DLL3: variants seen among roughly 807,000 people sequenced by gnomAD.
The protein encoded by DLL3 is delta-like protein 3.
DLL3 carries 49 observed loss-of-function variants against 55.0 expected under a neutral mutation model. That is an observed-to-expected ratio of 0.89 (90% CI 0.71 to 1.13). The LOEUF (loss-of-function observed/expected upper bound fraction) is 1.13, where lower values mean the gene tolerates loss of function less well. DLL3 is among the 50% of genes most tolerant of loss of function. DLL3 has a pLI of 0.00. For missense variants in DLL3, 962 were observed against 875.5 expected (o/e 1.10, Z -1.25); for synonymous variants, 421 against 385.2 (o/e 1.09, Z -1.09).
At chr19:39,508,131 T>C (rs772533182) in intron 8 of DLL3, 121 bp from the exon 9 acceptor site, 21 of 1,613,534 alleles carry the variant, frequency 1.3e-5, no homozygotes, top group Non-Finnish European at 1.8e-5. Flanking sequence ...GAAAAACCTA[T>C]GGGCTTGAGG....
Position 39,507,530 on chromosome 19 carries a change from C to T in DLL3, c.1585C>T (p.Leu529=), listed in dbSNP as rs1055331. Residue 529 remains leucine, a synonymous_variant, in exon 7 of 9, where the codon CTG becomes TTG. Coordinates refer to ENST00000356433, the MANE Select transcript of DLL3 (RefSeq NM_203486.3). ...CTCCCAGGATGCTGGGTCTCGCTTG[C>T]TGGCTGGGACCCCGGAGCCGTCAGT... ...GHSQDAGSRL[L]AGTPEPSVHA... The T allele has an allele frequency of 5.0e-6, 8 of 1,605,182 alleles. No homozygotes were observed. The Admixed American group carries it at 1.2e-4, about 24-fold the overall frequency.
rs1447189148 is a variant in DLL3, at chr19:39,502,939, C to G, written c.534C>G (p.Cys178Trp). 24 of 1,440,640 alleles carry G rather than the reference C, an allele frequency of 1.7e-5. No homozygotes were observed. The highest frequency in any genetic ancestry group is 5.5e-5 in the South Asian group (4 of 72,760). 89.2% of individuals were successfully genotyped at this position (1,440,640 alleles called of 1,614,324 possible). Residue 178 changes from cysteine (C) to tryptophan (W), a missense_variant, in exon 4 of 9, where the codon TGC becomes TGG. Coordinates refer to ENST00000356433, the MANE Select transcript of DLL3 (RefSeq NM_203486.3). Reference protein sequence around the residue: ...WELRFSYRARCEPPAVGTACT... With the variant: ...WELRFSYRARWEPPAVGTACT... ...TGCGCTTCTCGTACCGCGCGCGCTG[C>G]GAGCCGCCTGCCGTCGGGACCGCGT...
At position 39,499,464 on chromosome 19, in the gene DLL3, C is replaced by T. The variant is rs186303509; in HGVS notation, c.342C>T (p.Asp114=). 4.9e-5 allele frequency: 78 copies of T among 1,590,030 alleles called. No homozygotes were observed. The Admixed American group carries it at 9.2e-4, about 19-fold the overall frequency. ...GCCTCTTGCAGGTGCCCTTCCGGGACGCCTGGCCTGTAAGTGCTGCCCCCG... is the reference window on the plus strand; with the variant it reads ...GCCTCTTGCAGGTGCCCTTCCGGGATGCCTGGCCTGTAAGTGCTGCCCCCG... ...PDGLLQVPFR[D]AWPGTFSFII... is the part of the protein sequence containing the mutation. The change falls in exon 2 of 9, where the codon GAC becomes GAT. Residue 114 remains aspartate, a synonymous_variant. Coordinates refer to ENST00000356433, the MANE Select transcript of DLL3 (RefSeq NM_203486.3).
intron 8 of DLL3, 134 bp from the exon 9 acceptor site, chr19:39,508,118 T>G (rs2079655968): frequency 1.2e-6 from 2 of 1,612,566 alleles, no homozygotes; most frequent in Non-Finnish European, 1.7e-6. Flanking sequence ...CCATCTTCTC[T>G]TTGAAAAACC....
intron 5 of DLL3, among the ~76,000 whole-genome samples, chr19:39,504,883 C>G (rs1191893337): frequency 1.3e-5 from 2 of 151,720 alleles, no homozygotes; most frequent in South Asian, 2.1e-4. Flanking sequence ...TCCAGAGAAG[C>G]CTTCCTGGAG....
At chr19:39,505,542 C>G (rs2079635626) in intron 6 of DLL3, 91 bp downstream of exon 6, 1 of 1,462,980 alleles carries the variant, frequency 6.8e-7, no homozygotes, top group African/African-American at 1.4e-5. Flanking sequence ...TTTGACTCTT[C>G]TAACCCTAGG....
At chr19:39,499,103 C>T in intron 1 of DLL3, 60 bp downstream of exon 1, 1 of 1,613,248 alleles carries the variant, frequency 6.2e-7, no homozygotes. Context: ...GGGGTGAGTG[C>T]GACCTGAAGG....
At position 39,505,263 on chromosome 19, in the gene DLL3, G is replaced by A. The variant is rs775820811; in HGVS notation, c.905G>A (p.Arg302His). 1.1e-5 allele frequency: 18 copies of A among 1,614,068 alleles called. No individual in the cohort carries two copies. The highest frequency in any genetic ancestry group is 2.2e-5 in the South Asian group (2 of 91,088). Reference sequence around the variant, plus strand: ...AGGTCCTTTGAATGCACCTGCCCGCGTGGGTTCTACGGGCTGCGGTGTGAG... The same window carrying A: ...AGGTCCTTTGAATGCACCTGCCCGCATGGGTTCTACGGGCTGCGGTGTGAG... ...TPRSFECTCP[R>H]GFYGLRCEVS... Residue 302 changes from arginine to histidine, a missense_variant, in exon 6 of 9, where the codon CGT (arginine) becomes CAT (histidine). Transcript: ENST00000356433.
chr19:39,504,418 G>GATA, intron 5 of DLL3, 130 bp downstream of exon 5: 1 of 1,041,474 alleles, frequency 9.6e-7, no homozygotes, highest in Non-Finnish European at 1.4e-6. Context: ...AGGTCTTCCT[G>GATA]GAGGCATCCA....
Position 39,504,278 on chromosome 19 carries a change from G to C in DLL3, c.860G>C (p.Gly287Ala). ...PCDGNPCANG[G>A]SCSETPRSFE... ...GACGGGAACCCGTGTGCCAATGGAG[G>C]CAGCTGTAGTGTCAGTGTCACCCTT... is the stretch of plus-strand genomic sequence containing the variant. The change falls in exon 5 of 9, where the codon GGC (glycine) becomes GCC (alanine). Residue 287 changes from glycine to alanine, a missense_variant. Transcript: ENST00000356433. 2 of 1,612,564 alleles carry C rather than the reference G, an allele frequency of 1.2e-6. No homozygotes were observed. The highest frequency in any genetic ancestry group is 1.7e-6 in the Non-Finnish European group (2 of 1,180,028).
At chr19:39,507,729 C>T in intron 7 of DLL3, 101 bp from the exon 8 acceptor site, 10 of 1,601,394 alleles carry the variant, frequency 6.2e-6, no homozygotes, top group South Asian at 2.2e-5. Context: ...GTCTCTCTTA[C>T]CCCGGTAGCT....
Position 39,507,608 on chromosome 19 carries a change from GA to G in DLL3, c.1664del (p.Asp555ValfsTer7), listed in dbSNP as rs770355531. The G allele has an allele frequency of 6.2e-7, 1 of 1,607,310 alleles. No individual in the cohort carries two copies. Among genetic ancestry groups the G allele is most frequent in the Admixed American group, 1.7e-5 (1 of 59,128 alleles). On this transcript the variant is annotated frameshift_variant, in exon 7 of 9. Transcript: ENST00000356433. LOFTEE classifies it high-confidence loss of function. The stretch of plus-strand genomic sequence containing the variant: ...CCTAAGGACGCAGGAGGGTTCCGGG[GA>G]TGGTCCGAGGTGAGGGGCTGCGCCA... ...NNLRTQEGSGDGPSSSVDWNR... is the reference protein window; with the variant it reads ...NNLRTQEGSGXGPSSSVDWNR...
chr19:39,507,988 C>A, intron 8 of DLL3, 74 bp downstream of exon 8: 1 of 1,613,808 alleles, frequency 6.2e-7, no homozygotes, highest in Non-Finnish European at 8.5e-7. Flanking sequence ...TTTCCCTACC[C>A]TTCCTCGATT....
rs1227666241 is a variant in DLL3, at chr19:39,502,930, C to T, written c.525C>T (p.Arg175=). 2 of 1,440,016 alleles carry T rather than the reference C, an allele frequency of 1.4e-6. No individual in the cohort carries two copies. Among genetic ancestry groups the T allele is most frequent in the East Asian group, 6.0e-5 (2 of 33,198 alleles). 89.2% of individuals were successfully genotyped at this position (1,440,016 alleles called of 1,614,324 possible). The change falls in exon 4 of 9, where the codon CGC becomes CGT. Residue 175 remains arginine, a synonymous_variant. Transcript: ENST00000356433. ...AGAWELRFSY[R]ARCEPPAVGT... ...CCTGGGAGCTGCGCTTCTCGTACCG[C>T]GCGCGCTGCGAGCCGCCTGCCGTCG... is the stretch of plus-strand genomic sequence containing the variant.
intron 4 of DLL3, 141 bp from the exon 5 acceptor site, chr19:39,503,930 C>G (rs2079625268): frequency 1.2e-6 from 1 of 835,314 alleles, no homozygotes; most frequent in African/African-American, 1.7e-5. Flanking sequence ...ACAGTACCAT[C>G]TAGTCCCGAT....
rs2079654194 is a variant in DLL3 at position 39,507,891 on chromosome 19, G to GCT, written c.1737_1738dup (p.Pro580LeufsTer?). 1.9e-6 allele frequency: 3 copies of GCT among 1,614,128 alleles called. No homozygotes were observed. In the East Asian group the frequency reaches 6.7e-5, roughly 36 times the overall value. ...CCCTCAAGGGATTTATGTCATATCTGCTCCTTCCATCTACGCTCGGGAGGT... is the reference window on the plus strand; with the variant it reads ...CCCTCAAGGGATTTATGTCATATCTGCTCTCCTTCCATCTACGCTCGGGAGGT... On this transcript the variant is annotated frameshift_variant, in exon 8 of 9. Coordinates refer to ENST00000356433, the MANE Select transcript of DLL3 (RefSeq NM_203486.3). LOFTEE classifies it high-confidence loss of function.
At chr19:39,506,526 G>A (rs1568450773) in intron 6 of DLL3, among the ~76,000 whole-genome samples, 1 of 152,130 alleles carries the variant, frequency 6.6e-6, no homozygotes, top group Non-Finnish European at 1.5e-5. Flanking sequence ...GCACCCTCCT[G>A]GGGGAACCAG....
chr19:39,508,203 G>T, intron 8 of DLL3, 49 bp from the exon 9 acceptor site: 1 of 1,614,118 alleles, frequency 6.2e-7, no homozygotes, highest in Admixed American at 1.7e-5. Context: ...GGAGGCAGGG[G>T]AGGCAGAGGG....
rs1354805440 is a variant in DLL3, at chr19:39,507,358, C to G, written c.1413C>G (p.Asp471Glu). ...GARCEFPVHP[D>E]GASALPAAPP... ...GGTGTGAGTTCCCAGTGCACCCCGA[C>G]GGCGCAAGCGCCTTGCCCGCGGCCC... Residue 471 changes from aspartate to glutamate, a missense_variant, in exon 7 of 9, where the codon GAC becomes GAG. By Grantham distance (45) the Asp-to-Glu change is conservative (BLOSUM62 2). Transcript: ENST00000356433. The G allele has an allele frequency of 1.3e-6, 2 of 1,571,500 alleles. No individual in the cohort carries two copies. The highest frequency in any genetic ancestry group is 4.6e-5 in the East Asian group (2 of 43,080).
Sources: gnomAD v4.1 joint callset for allele counts (sites outside exome capture counted in the v4.1 genomes callset) on GRCh38, gnomAD v4.1.1 for gene constraint, MANE v1.5 for transcripts, NCBI Gene and HGNC (gene_info 2026-07-23, HGNC 2026-07-21) for gene names.